RYR2: variants seen among roughly 807,000 people sequenced by gnomAD.
The protein encoded by RYR2 is cardiac muscle ryanodine receptor-calcium release channel.
RYR2 carries 227 observed loss-of-function variants against 601.1 expected under a neutral mutation model. The observed-to-expected ratio is 0.38, with a 90% CI of 0.34 to 0.42. RYR2 has a LOEUF of 0.42. Ranked by LOEUF, RYR2 falls within the 10% of genes least tolerant of loss-of-function variation. The pLI is 1.00. For missense variants in RYR2, 4,646 were observed against 6,156.5 expected (o/e 0.75, Z 8.21); for synonymous variants, 2,223 against 2,175.1 (o/e 1.02, Z -0.61).
intron 1 of RYR2, among the ~76,000 whole-genome samples, chr1:237,096,815 A>C (rs928264770): frequency 6.6e-6 from 1 of 152,242 alleles, no homozygotes; most frequent in African/African-American, 2.4e-5. Context: ...TAGTTGGTAG[A>C]GAGCAACATC....
At chr1:237,286,600 T>C (rs1572478418) in intron 2 of RYR2, among the ~76,000 whole-genome samples, 1 of 32,798 alleles carries the variant, frequency 3.0e-5, no homozygotes, top group East Asian at 1.3e-3. Context: ...TAAAATTTGT[T>C]TTGTCTGATA....
chr1:237,512,777 G>A (rs200696598), intron 24 of RYR2, among the ~76,000 whole-genome samples: 1 of 152,140 alleles, frequency 6.6e-6, no homozygotes, highest in Non-Finnish European at 1.5e-5. Flanking sequence ...AGGCTGAGGT[G>A]GGAGGATGGA....
At chr1:237,466,545 A>G (rs1358910666) in intron 16 of RYR2, among the ~76,000 whole-genome samples, 1 of 152,014 alleles carries the variant, frequency 6.6e-6, no homozygotes, top group Non-Finnish European at 1.5e-5. Context: ...CTTATATTTA[A>G]AAAATAGTCC....
At chr1:237,453,971 G>T (rs1191401634) in intron 14 of RYR2, among the ~76,000 whole-genome samples, 1 of 152,096 alleles carries the variant, frequency 6.6e-6, no homozygotes, top group Admixed American at 6.6e-5. Context: ...AAACAGAATG[G>T]CAAGCTAGGG....
At chr1:237,651,264 T>C in intron 50 of RYR2, 147 bp from the exon 51 acceptor site, 1 of 634,992 alleles carries the variant, frequency 1.6e-6, no homozygotes, top group Middle Eastern at 3.4e-4. Flanking sequence ...ACTAAGTGGT[T>C]AATCTTTGGA....
chr1:237,243,648 G>A (rs1443517275), intron 1 of RYR2, among the ~76,000 whole-genome samples: 1 of 152,136 alleles, frequency 6.6e-6, no homozygotes, highest in Non-Finnish European at 1.5e-5. Context: ...TATCTGGGGA[G>A]GGTCTTAAAA....
chr1:237,528,896 T>G (rs923188463), intron 24 of RYR2, among the ~76,000 whole-genome samples: 1 of 152,148 alleles, frequency 6.6e-6, no homozygotes, highest in Non-Finnish European at 1.5e-5. Flanking sequence ...GAAGATTTCT[T>G]GGTGGGCATG....
Position 237,614,413 on chromosome 1 carries a change from A to G in RYR2, c.5285A>G (p.Gln1762Arg), listed in dbSNP as rs772846797. 1 of 1,613,888 alleles carries G rather than the reference A, an allele frequency of 6.2e-7. No individual in the cohort carries two copies. The highest frequency in any genetic ancestry group is 1.3e-5 in the African/African-American group (1 of 74,938). The change falls in exon 37 of 105, where the codon CAG becomes CGG. Residue 1762 changes from glutamine to arginine, a missense_variant. This residue lies in a region of RYR2 where 1,807 missense variants were observed against 2,088.1 expected (regional missense o/e 0.87). Coordinates refer to ENST00000366574, the MANE Select transcript of RYR2 (RefSeq NM_001035.3). The surrounding 1 kb of genome is among the most constrained non-coding windows in gnomAD (Gnocchi z 4.3). ...GLSTSLRPRM[Q>R]FSSPSFVSIS... ...AGCACCTCCCTCAGGCCACGGATGC[A>G]GTTTTCCTCCCCCAGTTTTGTAAGC...
Position 237,469,157 on chromosome 1 carries a change from A to G in RYR2, c.1678A>G (p.Ser560Gly), listed in dbSNP as rs759121593. 1 of 1,610,372 alleles carries G rather than the reference A, an allele frequency of 6.2e-7. No homozygotes were observed. The highest frequency in any genetic ancestry group is 1.3e-5 in the African/African-American group (1 of 74,794). Residue 560 changes from serine to glycine, a missense_variant, in exon 17 of 105, where the codon AGC becomes GGC. Physicochemically the swap from Ser to Gly is moderately conservative, Grantham distance 56. This residue lies in a region of RYR2 where 1,807 missense variants were observed against 2,088.1 expected (regional missense o/e 0.87). Transcript: ENST00000366574. ...QFSGSLDWLI[S>G]RLERLEASSG... ...TTCTGGCTCCCTCGACTGGTTGATC[A>G]GCAGATTGGAAAGACTGGAAGCTTC...
In RYR2 at chr1:237,549,358, T is replaced by C. The variant is rs1166752892; in HGVS notation, c.3066+768T>C. Among the ~76,000 whole-genome samples the C allele has an allele frequency of 2.6e-5, 4 of 152,090 alleles. No homozygotes were observed. In the East Asian group the frequency reaches 7.7e-4, roughly 29 times the overall value. ...GGGAGGCTAAGGTGGGAGGACTGCT[T>C]GAGCCTGGGAGTTTGAGACCAGCCT... is the stretch of plus-strand genomic sequence containing the variant. On this transcript the variant is annotated intron_variant, in intron 26 of 104. Transcript: ENST00000366574.
chr1:237,103,727 T>C (rs1363512457), intron 1 of RYR2, among the ~76,000 whole-genome samples: 2 of 152,102 alleles, frequency 1.3e-5, no homozygotes, highest in East Asian at 1.9e-4. Context: ...TGCCACCACA[T>C]CTGGCTAATT....
intron 1 of RYR2, among the ~76,000 whole-genome samples, chr1:237,189,875 TTTTA>T (rs146627656): frequency 0.25 from 30,185 of 122,596 alleles, 3,456 homozygotes; most frequent in East Asian, 0.47. Flanking sequence ...TTATTTTTAT[TTTTA>T]TTTTTTTTTT....
At chr1:237,201,472 T>C (rs1283327079) in intron 1 of RYR2, among the ~76,000 whole-genome samples, 1 of 152,232 alleles carries the variant, frequency 6.6e-6, no homozygotes, top group Non-Finnish European at 1.5e-5. Flanking sequence ...TGTGTTTTTC[T>C]GGCCATTCCA....
intron 1 of RYR2, among the ~76,000 whole-genome samples, chr1:237,080,110 C>T (rs1484529474): frequency 7.8e-5 from 5 of 63,806 alleles, no homozygotes. Flanking sequence ...CTTCCTTACA[C>T]CTTATACAAA....
In RYR2 at chr1:237,042,491, G is replaced by A; in HGVS notation, c.-31G>A. On this transcript the variant is annotated 5_prime_UTR_variant, in exon 1 of 105. Coordinates refer to ENST00000366574, the MANE Select transcript of RYR2 (RefSeq NM_001035.3). ...CCGCCGCCGAGCTCCGCGGGGCTCG[G>A]GAGCCGGCCCCGGCGAGGAGGCGCG... The A allele has an allele frequency of 8.0e-7, 1 of 1,245,840 alleles. No homozygotes were observed. Among genetic ancestry groups the A allele is most frequent in the Non-Finnish European group, 1.0e-6 (1 of 986,630 alleles). The allele number at this position is 1,245,840 out of a possible 1,614,324, so 77.2% of individuals were successfully genotyped here. A position where few individuals can be genotyped will look rare whatever the true frequency, so the allele number is the denominator to read the frequency against.
intron 1 of RYR2, among the ~76,000 whole-genome samples, chr1:237,178,060 T>G (rs1678255717): frequency 6.6e-6 from 1 of 152,214 alleles, no homozygotes; most frequent in South Asian, 2.1e-4. Context: ...CAGGCATTAA[T>G]ATTTTTGCTT....
chr1:237,807,992 C>CT (rs1660829439), intron 99 of RYR2, among the ~76,000 whole-genome samples: 1 of 152,140 alleles, frequency 6.6e-6, no homozygotes, highest in African/African-American at 2.4e-5. Flanking sequence ...CAAAAATACT[C>CT]TACAATTCTA....
Position 237,765,340 on chromosome 1 carries a change from G to A in RYR2, c.11476+4312G>A, listed in dbSNP as rs1057088204. 4.0e-5 allele frequency among the ~76,000 whole-genome samples: 6 copies of A among 151,626 alleles called. No individual in the cohort carries two copies. The South Asian group carries it at 1.2e-3, about 31-fold the overall frequency. On this transcript the variant is annotated intron_variant, in intron 84 of 104. Transcript: ENST00000366574. ...TGAATTTTTTTTTTTTGATCATGAG[G>A]TAGTCCTGGACTTCATAAAAGCAAG...
chr1:237,153,040 T>A (rs1674904442), intron 1 of RYR2, among the ~76,000 whole-genome samples: 1 of 152,182 alleles, frequency 6.6e-6, no homozygotes, highest in Non-Finnish European at 1.5e-5. Flanking sequence ...TTGGTAACAG[T>A]CACTGTGCTG....
Sources: gnomAD v4.1 joint callset for allele counts (sites outside exome capture counted in the v4.1 genomes callset) on GRCh38, gnomAD v4.1.1 for gene constraint, gnomAD v4.1.1 regional missense constraint, Gnocchi (gnomAD v3.1) non-coding constraint, MANE v1.5 for transcripts, NCBI Gene and HGNC (gene_info 2026-07-23, HGNC 2026-07-21) for gene names.